The following GRK5 variants were observed in gnomAD, a reference collection of about 807,000 sequenced individuals.
GRK5 encodes the protein g protein-coupled receptor kinase GRK5.
In GRK5, 40 loss-of-function variants were observed where a neutral mutation model predicts 78.4. The observed-to-expected ratio is 0.51, with a 90% CI of 0.40 to 0.66. The LOEUF (loss-of-function observed/expected upper bound fraction) is 0.66, where lower values mean the gene tolerates loss of function less well. Among genes scored for constraint, GRK5 ranks in the 30% least tolerant of loss-of-function variants. The probability of loss-of-function intolerance (pLI) is 0.00; values close to 1 mark genes in which losing one functional copy is unlikely to be tolerated. For missense variants in GRK5, 598 were observed against 759.9 expected (o/e 0.79, Z 2.50); for synonymous variants, 289 against 296.8 (o/e 0.97, Z 0.27).
intron 1 of GRK5, among the ~76,000 whole-genome samples, chr10:119,230,828 CT>C (rs1848815339): frequency 1.7e-5 from 1 of 59,674 alleles, no homozygotes; most frequent in Non-Finnish European, 3.1e-5. Flanking sequence ...GAGACCCTAT[CT>C]CAAAAAAAAA....
intron 1 of GRK5, among the ~76,000 whole-genome samples, chr10:119,282,998 G>T (rs1179838541): frequency 6.6e-6 from 1 of 152,168 alleles, no homozygotes; most frequent in Non-Finnish European, 1.5e-5. Flanking sequence ...CTGCTGCAGA[G>T]TTGGGGCACA....
chr10:119,311,370 A>T (rs1022448623), intron 1 of GRK5, among the ~76,000 whole-genome samples: 1 of 152,162 alleles, frequency 6.6e-6, no homozygotes, highest in African/African-American at 2.4e-5. Context: ...AATAACTCAG[A>T]AGGCCACGCA....
intron 1 of GRK5, among the ~76,000 whole-genome samples, chr10:119,279,469 C>A (rs987400195): frequency 7.6e-4 from 116 of 152,280 alleles, no homozygotes; most frequent in African/African-American, 2.6e-3. Context: ...GTGGGAAGAT[C>A]CAGTTTTCTG....
intron 4 of GRK5, among the ~76,000 whole-genome samples, chr10:119,420,779 C>T (rs1037933133): frequency 6.6e-6 from 1 of 152,150 alleles, no homozygotes; most frequent in Non-Finnish European, 1.5e-5. Flanking sequence ...TAGGCTGTCA[C>T]TATGTTTCCC....
chr10:119,234,093 G>A (rs1848878836), intron 1 of GRK5, among the ~76,000 whole-genome samples: 1 of 152,142 alleles, frequency 6.6e-6, no homozygotes, highest in East Asian at 1.9e-4. Context: ...CATTAGCCTT[G>A]GTTTCATCAT....
chr10:119,252,092 A>G (rs1401296527), intron 1 of GRK5, among the ~76,000 whole-genome samples: 2 of 152,174 alleles, frequency 1.3e-5, no homozygotes, highest in African/African-American at 4.8e-5. Context: ...ACTCTCCCTG[A>G]CCATCCCTCT....
At chr10:119,228,765 CT>C (rs1421931462) in intron 1 of GRK5, among the ~76,000 whole-genome samples, 2 of 152,118 alleles carry the variant, frequency 1.3e-5, no homozygotes, top group Non-Finnish European at 2.9e-5. Context: ...AAAAAGATGT[CT>C]TTTTTGGGGA....
intron 1 of GRK5, among the ~76,000 whole-genome samples, chr10:119,320,621 G>A (rs1359774998): frequency 1.3e-5 from 2 of 152,252 alleles, no homozygotes; most frequent in African/African-American, 4.8e-5. Context: ...AAGACTGGAA[G>A]TGTGGGTGAG....
chr10:119,324,257 A>G (rs948031356), intron 1 of GRK5, among the ~76,000 whole-genome samples: 2 of 152,356 alleles, frequency 1.3e-5, no homozygotes, highest in South Asian at 2.1e-4. Flanking sequence ...TCTGCCAATT[A>G]TGAGCCACGG....
intron 1 of GRK5, among the ~76,000 whole-genome samples, chr10:119,233,689 C>T (rs1848868640): frequency 6.6e-6 from 1 of 152,094 alleles, no homozygotes; most frequent in Non-Finnish European, 1.5e-5. Flanking sequence ...GGGATACCTG[C>T]CTTAAAGAAC....
At chr10:119,278,849 CCTG>C (rs1849709379) in intron 1 of GRK5, among the ~76,000 whole-genome samples, 3 of 152,114 alleles carry the variant, frequency 2.0e-5, no homozygotes, top group Non-Finnish European at 4.4e-5. Context: ...CCTGTATGCA[CCTG>C]CACCCCGGTG....
intron 9 of GRK5, among the ~76,000 whole-genome samples, chr10:119,437,692 T>C (rs1228002337): frequency 2.0e-5 from 3 of 152,216 alleles, no homozygotes; most frequent in African/African-American, 4.8e-5. Context: ...GTTAATAATA[T>C]ATTTTTTTGC....
chr10:119,376,588 CAG>C (rs1416816369), intron 2 of GRK5, among the ~76,000 whole-genome samples: 6 of 130,418 alleles, frequency 4.6e-5, no homozygotes, highest in Admixed American at 1.7e-4. Context: ...TTTTGAGACA[CAG>C]TTTCACTCTT....
intron 4 of GRK5, among the ~76,000 whole-genome samples, chr10:119,409,785 G>A (rs957441006): frequency 1.3e-5 from 2 of 152,024 alleles, no homozygotes; most frequent in African/African-American, 4.8e-5. Flanking sequence ...ACATGATTTC[G>A]GATTGAGGAG....
chr10:119,275,268 T>G (rs147096419), intron 1 of GRK5, among the ~76,000 whole-genome samples: 146 of 152,240 alleles, frequency 9.6e-4, no homozygotes, highest in African/African-American at 3.2e-3. Context: ...TATCTTGGGT[T>G]TCTCCTCTCC....
At chr10:119,374,855 C>A (rs975604399) in intron 2 of GRK5, among the ~76,000 whole-genome samples, 10 of 152,144 alleles carry the variant, frequency 6.6e-5, no homozygotes, top group Non-Finnish European at 1.5e-5. Flanking sequence ...GGCCATGTGA[C>A]ATGCCTGCTC....
chr10:119,311,128 ATTTG>A (rs1850351868), intron 1 of GRK5, among the ~76,000 whole-genome samples: 1 of 152,070 alleles, frequency 6.6e-6, no homozygotes, highest in Non-Finnish European at 1.5e-5. Flanking sequence ...AGTGTGGCTT[ATTTG>A]TTGTTGTTTC....
rs1169877520 is a variant in GRK5, at chr10:119,264,372, C to T, written c.52+56403C>T. On this transcript the variant is annotated intron_variant, in intron 1 of 15. Transcript: ENST00000392870. This position sits in a 1 kb window ranked among gnomAD's most constrained non-coding sequence, Gnocchi z 4.1. ...TTGAGTCCTGGGTGGGGCTCAAGTC[C>T]TACCATCTGGTGTTTGTCCTTCTCT... Among the ~76,000 whole-genome samples the T allele has an allele frequency of 1.3e-5, 2 of 152,180 alleles. No homozygotes were observed. The highest frequency in any genetic ancestry group is 2.9e-5 in the Non-Finnish European group (2 of 68,036).
intron 2 of GRK5, among the ~76,000 whole-genome samples, chr10:119,328,201 C>T (rs1850711876): frequency 6.6e-6 from 1 of 152,200 alleles, no homozygotes; most frequent in South Asian, 2.1e-4. Context: ...CGTGTGCACC[C>T]TTGATGATCA....
Sources: allele counts gnomAD v4.1 joint callset (sites outside exome capture counted in the v4.1 genomes callset), GRCh38; gene constraint gnomAD v4.1.1; non-coding constraint Gnocchi (gnomAD v3.1); transcripts MANE v1.5; gene names NCBI Gene and HGNC (gene_info 2026-07-23, HGNC 2026-07-21).